MYBPC3: variants seen among roughly 807,000 people sequenced by gnomAD.
MYBPC3 encodes the protein myosin binding protein C3, also known as myosin-binding protein C, cardiac-type.
A neutral mutation model predicts 159.3 loss-of-function variants in MYBPC3; 108 were observed. The ratio of observed to expected loss-of-function variants is 0.68; its 90% confidence interval spans 0.58 to 0.80. The LOEUF (loss-of-function observed/expected upper bound fraction) is 0.80, where lower values mean the gene tolerates loss of function less well. Among genes scored for constraint, MYBPC3 ranks in the 30% least tolerant of loss-of-function variants. The pLI, the probability that MYBPC3 is intolerant of heterozygous loss-of-function variation, is 0.00. For synonymous variants in MYBPC3, 730 were observed against 702.0 expected, an observed-to-expected ratio of 1.04 and a Z score of -0.63; for missense variants, 1,631 against 1,762.1, an observed-to-expected ratio of 0.93 and a Z score of 1.33.
intron 27 of MYBPC3, 26 bp from the exon 28 acceptor site, chr11:47,334,036 G>C: frequency 6.4e-7 from 1 of 1,551,624 alleles, no homozygotes; most frequent in Admixed American, 1.9e-5. Flanking sequence ...GGGTAGCTAA[G>C]TGAGGGCCCG....
rs1003833483 is a variant in MYBPC3 at position 47,343,604 on chromosome 11, G to T, written c.1111C>A (p.Pro371Thr). 3.7e-6 allele frequency: 6 copies of T among 1,612,084 alleles called. No individual in the cohort carries two copies. Among genetic ancestry groups the T allele is most frequent in the South Asian group, 2.2e-5 (2 of 90,842 alleles). The change falls in exon 13 of 35, where the codon CCG becomes ACG. Residue 371 changes from proline to threonine, a missense_variant. Coordinates refer to ENST00000545968, the MANE Select transcript of MYBPC3 (RefSeq NM_000256.3). ...KSTAFQKKLE[P>T]AYQVSKGHKI... ...TGGCCTTTGCTCACCTGGTAGGCCGGCTCCAGCTTCTTCTGAAAGGCTGAG... is the reference window on the plus strand; with the variant it reads ...TGGCCTTTGCTCACCTGGTAGGCCGTCTCCAGCTTCTTCTGAAAGGCTGAG...
intron 25 of MYBPC3, among the ~76,000 whole-genome samples, chr11:47,336,622 A>G (rs987371433): frequency 5.3e-5 from 8 of 151,968 alleles, no homozygotes; most frequent in Non-Finnish European, 1.0e-4. Context: ...AGAGGCCTGG[A>G]CCCTTCTCCC....
chr11:47,346,638 G>A lies in MYBPC3; in HGVS notation c.915C>T (p.Phe305=). 1 of 1,368,094 alleles carries A rather than the reference G, an allele frequency of 7.3e-7. No individual in the cohort carries two copies. 84.7% of individuals were successfully genotyped at this position (1,368,094 alleles called of 1,614,324 possible). The change falls in exon 11 of 35, where the codon TTC becomes TTT. Residue 305 remains phenylalanine, a synonymous_variant. Coordinates refer to ENST00000545968, the MANE Select transcript of MYBPC3 (RefSeq NM_000256.3). The surrounding 1 kb of genome is among the most constrained non-coding windows in gnomAD (Gnocchi z 5.3). ...FSSLLKKRDS[F]RTPRDSKLEA... ...TGTTGGGCACTCACCTCGGGGTCCG[G>A]AAACTGCTGCTCCAGGGGTGGGGGT...
In MYBPC3 at chr11:47,335,554, C is replaced by A. The variant is rs527813015; in HGVS notation, c.2737+323G>T. ...GTTGGTCAGACTGGTCTCGAACTCCCGACCTCAGGTGATCCGCCCACCTTG... is the reference window on the plus strand; with the variant it reads ...GTTGGTCAGACTGGTCTCGAACTCCAGACCTCAGGTGATCCGCCCACCTTG... On this transcript the variant is annotated intron_variant, in intron 26 of 34. Coordinates refer to ENST00000545968, the MANE Select transcript of MYBPC3 (RefSeq NM_000256.3). 278 of 284,576 alleles carry A rather than the reference C, an allele frequency of 9.8e-4. 1 individual carries two copies. Among genetic ancestry groups the A allele is most frequent in the East Asian group, 4.6e-3 (68 of 14,840 alleles). 17.6% of individuals were successfully genotyped at this position (284,576 alleles called of 1,614,324 possible). A position where few individuals can be genotyped will look rare whatever the true frequency, so the allele number is the denominator to read the frequency against.
Position 47,348,485 on chromosome 11 carries a change from G to A in MYBPC3, c.711C>T (p.Tyr237=), listed in dbSNP as rs774316050. The A allele has an allele frequency of 3.1e-6, 5 of 1,613,500 alleles. No individual in the cohort carries two copies. In the Admixed American group the frequency reaches 5.0e-5, roughly 16 times the overall value. ...TDAQPAFTGS[Y]RCEVSTKDKF... ...TGTCCTTGGTGGACACCTCACAGCG[G>A]TAGCTGCCAGTGAAGGCAGGCTGGG... The change falls in exon 6 of 35, where the codon TAC becomes TAT. Residue 237 remains tyrosine, a synonymous_variant. Coordinates refer to ENST00000545968, the MANE Select transcript of MYBPC3 (RefSeq NM_000256.3).
chr11:47,347,106 T>C, intron 9 of MYBPC3, 77 bp from the exon 10 acceptor site: 2 of 1,120,278 alleles, frequency 1.8e-6, no homozygotes, highest in Admixed American at 1.8e-5. Context: ...CATAAGTCAG[T>C]TGGGCCGACC....
At chr11:47,352,486 G>T in intron 1 of MYBPC3, 137 bp downstream of exon 1, 1 of 1,095,062 alleles carries the variant, frequency 9.1e-7, no homozygotes, top group Non-Finnish European at 1.3e-6. Context: ...GGACCCTGGA[G>T]GACTGGCTGC....
At chr11:47,343,170 G>T (rs766263515) in intron 14 of MYBPC3, 25 bp from the exon 15 acceptor site, 6 of 1,605,190 alleles carry the variant, frequency 3.7e-6, no homozygotes, top group Admixed American at 3.4e-5. Context: ...CAGGGAAGTG[G>T]CAGGAAAGCT....
intron 3 of MYBPC3, among the ~76,000 whole-genome samples, 151 bp from the exon 4 acceptor site, chr11:47,350,263 C>T (rs1238332070): frequency 2.0e-5 from 3 of 150,490 alleles, no homozygotes; most frequent in Non-Finnish European, 3.0e-5. Context: ...TAGCTGGGAC[C>T]GCAGGTGCCC....
rs2095884710 is a variant in MYBPC3, at chr11:47,338,392, T to C, written c.2308+128A>G. The C allele has an allele frequency of 3.0e-5, 41 of 1,361,726 alleles. No homozygotes were observed. Among genetic ancestry groups the C allele is most frequent in the Non-Finnish European group, 4.0e-5 (40 of 1,004,740 alleles). The allele number at this position is 1,361,726 out of a possible 1,614,324, so 84.4% of individuals were successfully genotyped here. A position where few individuals can be genotyped will look rare whatever the true frequency, so the allele number is the denominator to read the frequency against. ...GGGGCTCCTTTTGGGCAGAAAAACCTGTCCTGTTGCCGCTCGGCTCAGGGA... is the reference window on the plus strand; with the variant it reads ...GGGGCTCCTTTTGGGCAGAAAAACCCGTCCTGTTGCCGCTCGGCTCAGGGA... On this transcript the variant is annotated intron_variant, in intron 23 of 34. Transcript: ENST00000545968. This position sits in a 1 kb window ranked among gnomAD's most constrained non-coding sequence, Gnocchi z 4.7.
At chr11:47,343,301 G>A (rs762452885) in intron 13 of MYBPC3, 39 bp from the exon 14 acceptor site, 25 of 1,532,740 alleles carry the variant, frequency 1.6e-5, no homozygotes, top group South Asian at 1.3e-5. Flanking sequence ...TTCCCGACGG[G>A]AGGAAGTGAG....
chr11:47,337,417 G>A lies in MYBPC3; in HGVS notation c.2576C>T (p.Pro859Leu), dbSNP rs761338253. 3.1e-6 allele frequency: 5 copies of A among 1,602,532 alleles called. No individual in the cohort carries two copies. The South Asian group carries it at 4.4e-5, about 14-fold the overall frequency. The change falls in exon 25 of 35, where the codon CCT becomes CTT. Residue 859 changes from proline (P) to leucine (L), a missense_variant. Coordinates refer to ENST00000545968, the MANE Select transcript of MYBPC3 (RefSeq NM_000256.3). ...GATAGGCATGAAGGGCTGGGAGGCA[G>A]GGCTGGGCCTGGACATGCCGATGGC... is the stretch of plus-strand genomic sequence containing the variant. ...VNAIGMSRPS[P>L]ASQPFMPIGP...
chr11:47,344,074 G>A (rs1344620711), intron 12 of MYBPC3, among the ~76,000 whole-genome samples: 1 of 152,128 alleles, frequency 6.6e-6, no homozygotes, highest in Non-Finnish European at 1.5e-5. Context: ...CAGGCATGGT[G>A]TCTTCATTTC....
Position 47,339,682 on chromosome 11 carries a change from G to C in MYBPC3, c.2036C>G (p.Pro679Arg). Reference protein sequence around the residue: ...LDVPISGDPAPTVIWQKAITQ... With the variant: ...LDVPISGDPARTVIWQKAITQ... Reference sequence around the variant, plus strand: ...GATAGCCTTCTGCCAGATCACAGTGGGAGCAGGGTCCCCAGAGATAGGGAC... The same window carrying C: ...GATAGCCTTCTGCCAGATCACAGTGCGAGCAGGGTCCCCAGAGATAGGGAC... Residue 679 changes from proline to arginine, a missense_variant, in exon 21 of 35, where the codon CCC (proline) becomes CGC (arginine). Coordinates refer to ENST00000545968, the MANE Select transcript of MYBPC3 (RefSeq NM_000256.3). 1 of 1,611,496 alleles carries C rather than the reference G, an allele frequency of 6.2e-7. No homozygotes were observed.
At chr11:47,352,482 T>C (rs2095901827) in intron 1 of MYBPC3, 141 bp downstream of exon 1, 1 of 1,055,642 alleles carries the variant, frequency 9.5e-7, no homozygotes, top group East Asian at 2.9e-5. Flanking sequence ...AAAAGGACCC[T>C]GGAGGACTGG....
chr11:47,332,773 C>A lies in MYBPC3; in HGVS notation c.3490+41G>T. 6.3e-7 allele frequency: 1 copy of A among 1,586,688 alleles called. No homozygotes were observed. Among genetic ancestry groups the A allele is most frequent in the African/African-American group, 1.3e-5 (1 of 74,426 alleles). Reference sequence around the variant, plus strand: ...GCCCCTCTCCCTGTTCCCACAGCCTCCCTGCCCCAGCCCCTGGTTGGAAGA... The same window carrying A: ...GCCCCTCTCCCTGTTCCCACAGCCTACCTGCCCCAGCCCCTGGTTGGAAGA... On this transcript the variant is annotated intron_variant, in intron 31 of 34. Coordinates refer to ENST00000545968, the MANE Select transcript of MYBPC3 (RefSeq NM_000256.3). This position sits in a 1 kb window ranked among gnomAD's most constrained non-coding sequence, Gnocchi z 4.2.
At chr11:47,341,634 G>A (rs1216086070) in intron 18 of MYBPC3, among the ~76,000 whole-genome samples, 2 of 152,164 alleles carry the variant, frequency 1.3e-5, no homozygotes, top group East Asian at 3.9e-4. Flanking sequence ...CCCTGCCCTG[G>A]TCACAAGCTG....
rs730880574 is a variant in MYBPC3 at position 47,335,982 on chromosome 11, C to T, written c.2632G>A (p.Val878Ile). 1.3e-6 allele frequency: 2 copies of T among 1,544,274 alleles called. No homozygotes were observed. Among genetic ancestry groups the T allele is most frequent in the Admixed American group, 1.9e-5 (1 of 51,754 alleles). ...GPPSEPTHLA[V>I]EDVSDTTVSL... is the part of the protein sequence containing the mutation. ...ACCGTGGTGTCAGAGACGTCCTCTACTGCCAGGTGGGTGGGTTCGCTGGGG... is the reference window on the plus strand; with the variant it reads ...ACCGTGGTGTCAGAGACGTCCTCTATTGCCAGGTGGGTGGGTTCGCTGGGG... The change falls in exon 26 of 35, where the codon GTA becomes ATA. Residue 878 changes from valine to isoleucine, a missense_variant. Val to Ile is a conservative substitution (Grantham distance 29). Coordinates refer to ENST00000545968, the MANE Select transcript of MYBPC3 (RefSeq NM_000256.3).
chr11:47,351,135 A>C lies in MYBPC3; in HGVS notation c.292+104T>G. The C allele has an allele frequency of 7.3e-7, 1 of 1,377,762 alleles. No homozygotes were observed. Among genetic ancestry groups the C allele is most frequent in the Non-Finnish European group, 9.5e-7 (1 of 1,047,392 alleles). 85.3% of individuals were successfully genotyped at this position (1,377,762 alleles called of 1,614,324 possible). On this transcript the variant is annotated intron_variant, in intron 2 of 34. Coordinates refer to ENST00000545968, the MANE Select transcript of MYBPC3 (RefSeq NM_000256.3). This position sits in a 1 kb window ranked among gnomAD's most constrained non-coding sequence, Gnocchi z 4.2. Reference sequence around the variant, plus strand: ...CGGGGGGCACAGCCACAGCAAAGGCAAGAAAGTGTGAAAGCACCTCCTGTT... The same window carrying C: ...CGGGGGGCACAGCCACAGCAAAGGCCAGAAAGTGTGAAAGCACCTCCTGTT...
Sources: allele counts gnomAD v4.1 joint callset (sites outside exome capture counted in the v4.1 genomes callset), GRCh38; gene constraint gnomAD v4.1.1; non-coding constraint Gnocchi (gnomAD v3.1); transcripts MANE v1.5; gene names NCBI Gene and HGNC (gene_info 2026-07-23, HGNC 2026-07-21).